The following UBE2G2 variants were observed in gnomAD, a reference collection of about 807,000 sequenced individuals.
UBE2G2 encodes the protein ubiquitin conjugating enzyme E2 G2.
A neutral mutation model predicts 23.0 loss-of-function variants in UBE2G2; 10 were observed. The observed-to-expected ratio is 0.43, with a 90% CI of 0.27 to 0.74. The LOEUF is 0.74. Among genes scored for constraint, UBE2G2 ranks in the 30% least tolerant of loss-of-function variants. The pLI, the probability that UBE2G2 is intolerant of heterozygous loss-of-function variation, is 0.19. For missense variants in UBE2G2, 150 were observed against 218.3 expected (o/e 0.69, Z 1.97); for synonymous variants, 86 against 81.3 (o/e 1.06, Z -0.31).
At chr21:44,793,464 CT>C (rs1458991529) in intron 1 of UBE2G2, among the ~76,000 whole-genome samples, 1 of 152,214 alleles carries the variant, frequency 6.6e-6, no homozygotes, top group Non-Finnish European at 1.5e-5. Flanking sequence ...CGGGTGTGCG[CT>C]GGCCTTCCCG....
At chr21:44,775,099 TCCGCCA>T (rs1302230964) in intron 4 of UBE2G2, 1 of 161,776 alleles carries the variant, frequency 6.2e-6, no homozygotes, top group Admixed American at 6.5e-5. Flanking sequence ...TCAATGGAGT[TCCGCCA>T]CTCCCAGGAG....
intron 1 of UBE2G2, chr21:44,801,213 C>G (rs536494381): frequency 3.3e-6 from 2 of 604,524 alleles, no homozygotes; most frequent in Admixed American, 6.3e-5. Flanking sequence ...CTCAACACTA[C>G]CTAGGAGGAG....
At chr21:44,796,366 C>T (rs1285741978) in intron 1 of UBE2G2, among the ~76,000 whole-genome samples, 5 of 152,196 alleles carry the variant, frequency 3.3e-5, no homozygotes, top group Non-Finnish European at 7.3e-5. Flanking sequence ...TATATGACTA[C>T]TCCCAAATAC....
chr21:44,789,762 C>A (rs538140380), intron 1 of UBE2G2, among the ~76,000 whole-genome samples: 1 of 152,224 alleles, frequency 6.6e-6, no homozygotes, highest in African/African-American at 2.4e-5. Flanking sequence ...ACGCTTGCGT[C>A]CCCCCAAAAT....
chr21:44,788,841 G>C (rs977733906), intron 1 of UBE2G2, among the ~76,000 whole-genome samples: 1 of 151,436 alleles, frequency 6.6e-6, no homozygotes, highest in Non-Finnish European at 1.5e-5. Flanking sequence ...ACCAAAAGGT[G>C]GTTCTTTGAA....
At chr21:44,789,642 CTT>C (rs781996346) in intron 1 of UBE2G2, among the ~76,000 whole-genome samples, 1 of 152,046 alleles carries the variant, frequency 6.6e-6, no homozygotes, top group Non-Finnish European at 1.5e-5. Flanking sequence ...AAAAATCAAA[CTT>C]TCCCCATCTC....
intron 1 of UBE2G2, among the ~76,000 whole-genome samples, chr21:44,795,449 T>C (rs994966168): frequency 6.6e-6 from 1 of 151,800 alleles, no homozygotes; most frequent in Admixed American, 6.6e-5. Flanking sequence ...CTGGGCAACA[T>C]GGCGAAACCC....
intron 3 of UBE2G2, chr21:44,779,365 C>T (rs1359333410): frequency 2.0e-5 from 1 of 50,394 alleles, no homozygotes; most frequent in South Asian, 3.3e-4. Flanking sequence ...TTTTGGGGAG[C>T]TGGGGTGGGG....
At chr21:44,782,550 C>T (rs2082964758) in intron 3 of UBE2G2, among the ~76,000 whole-genome samples, 1 of 152,232 alleles carries the variant, frequency 6.6e-6, no homozygotes, top group African/African-American at 2.4e-5. Context: ...TACCATGAAG[C>T]TCCAGTAATC....
chr21:44,772,892 G>A lies in UBE2G2; in HGVS notation c.385+655C>T, dbSNP rs1298363155. Reference sequence around the variant, plus strand: ...TGGCCCTTCGAAGGCACAGCTCACAGGACATCACACCCCCAACTCCAATCC... The same window carrying A: ...TGGCCCTTCGAAGGCACAGCTCACAAGACATCACACCCCCAACTCCAATCC... On this transcript the variant is annotated intron_variant, in intron 5 of 5. Coordinates refer to ENST00000345496, the MANE Select transcript of UBE2G2 (RefSeq NM_003343.6). The surrounding 1 kb of genome is among the most constrained non-coding windows in gnomAD (Gnocchi z 5.4). Among the ~76,000 whole-genome samples, 1 of 152,182 alleles carries A rather than the reference G, an allele frequency of 6.6e-6. No homozygotes were observed. Among genetic ancestry groups the A allele is most frequent in the Non-Finnish European group, 1.5e-5 (1 of 68,034 alleles).
At chr21:44,791,722 C>T (rs916965277) in intron 1 of UBE2G2, among the ~76,000 whole-genome samples, 2 of 152,240 alleles carry the variant, frequency 1.3e-5, no homozygotes, top group Non-Finnish European at 2.9e-5. Context: ...CCCACTGGGG[C>T]ACTGCCTAGT....
chr21:44,791,895 G>A (rs1390436701), intron 1 of UBE2G2, among the ~76,000 whole-genome samples: 2 of 152,220 alleles, frequency 1.3e-5, no homozygotes, highest in African/African-American at 2.4e-5. Context: ...AGCCACAGGG[G>A]CAGAGCTGCC....
intron 3 of UBE2G2, among the ~76,000 whole-genome samples, chr21:44,783,627 A>G (rs8133388): frequency 6.6e-6 from 1 of 152,264 alleles, no homozygotes; most frequent in East Asian, 1.9e-4. Flanking sequence ...ATGATTAGAC[A>G]GTGTATGATT....
chr21:44,775,081 G>C lies in UBE2G2; in HGVS notation c.245-1394C>G, dbSNP rs138797893. On this transcript the variant is annotated intron_variant, in intron 4 of 5. Transcript: ENST00000345496. ...ATCATTCTGGTCATGCCACTCCCTTGGAGTCTTTCAATGGAGTTCCGCCAC... is the reference window on the plus strand; with the variant it reads ...ATCATTCTGGTCATGCCACTCCCTTCGAGTCTTTCAATGGAGTTCCGCCAC... The C allele has an allele frequency of 2.6e-3, 452 of 172,574 alleles. 6 individuals are homozygous for C. Among genetic ancestry groups the C allele is most frequent in the African/African-American group, 0.01 (426 of 41,794 alleles). The allele number at this position is 172,574 out of a possible 1,614,324, so 10.7% of individuals were successfully genotyped here.
Position 44,772,686 on chromosome 21 carries a change from G to T in UBE2G2, c.385+861C>A, listed in dbSNP as rs948617126. Among the ~76,000 whole-genome samples the T allele has an allele frequency of 6.6e-6, 1 of 151,908 alleles. No individual in the cohort carries two copies. The highest frequency in any genetic ancestry group is 1.5e-5 in the Non-Finnish European group (1 of 68,006). On this transcript the variant is annotated intron_variant, in intron 5 of 5. Transcript: ENST00000345496. This position sits in a 1 kb window ranked among gnomAD's most constrained non-coding sequence, Gnocchi z 5.4. ...AATCCTGCTGTCTCCTGAACCCAGA[G>T]CAGCACCTCTGGTAGACAAAGAACC...
chr21:44,798,175 A>T (rs1482712798), intron 1 of UBE2G2, among the ~76,000 whole-genome samples: 1 of 152,172 alleles, frequency 6.6e-6, no homozygotes, highest in Non-Finnish European at 1.5e-5. Context: ...ATAAATAAAT[A>T]ATTATTATTT....
intron 4 of UBE2G2, 65 bp downstream of exon 4, chr21:44,777,234 G>A: frequency 7.5e-7 from 1 of 1,330,714 alleles, no homozygotes; most frequent in Non-Finnish European, 1.1e-6. Flanking sequence ...CACATTTCAG[G>A]TGGCTGATAA....
chr21:44,788,131 A>G, intron 1 of UBE2G2, 36 bp from the exon 2 acceptor site: 1 of 1,554,900 alleles, frequency 6.4e-7, no homozygotes, highest in Non-Finnish European at 8.7e-7. Flanking sequence ...TACCAAACAG[A>G]ATAAATGTTA....
rs113784423 is a variant in UBE2G2, at chr21:44,782,337, T to C, written c.126-4920A>G. Among the ~76,000 whole-genome samples the C allele has an allele frequency of 8.2e-3, 1,243 of 152,352 alleles. 7 individuals are homozygous for C. The highest frequency in any genetic ancestry group is 0.012 in the Non-Finnish European group (812 of 68,028). ...TAAATGGAGAGACAGTCCATGTTCA[T>C]GGATTAGAGCACTCAGTACTGATAT... On this transcript the variant is annotated intron_variant, in intron 3 of 5. Coordinates refer to ENST00000345496, the MANE Select transcript of UBE2G2 (RefSeq NM_003343.6).
Sources: allele counts gnomAD v4.1 joint callset (sites outside exome capture counted in the v4.1 genomes callset), GRCh38; gene constraint gnomAD v4.1.1; non-coding constraint Gnocchi (gnomAD v3.1); transcripts MANE v1.5; gene names NCBI Gene and HGNC (gene_info 2026-07-23, HGNC 2026-07-21).